TEX10: variants seen among roughly 807,000 people sequenced by gnomAD.
TEX10 encodes testis-expressed protein 10.
Under a neutral mutation model 104.4 loss-of-function variants are expected in TEX10, and 24 were observed. The observed-to-expected ratio is 0.23, with a 90% CI of 0.17 to 0.32. The LOEUF is 0.32. Ranked by LOEUF, TEX10 falls within the 10% of genes least tolerant of loss-of-function variation. The pLI, the probability that TEX10 is intolerant of heterozygous loss-of-function variation, is 1.00. For synonymous variants in TEX10, 396 were observed against 393.4 expected (o/e 1.01, Z -0.08); for missense variants, 921 against 1,083.9 (o/e 0.85, Z 2.11).
chr9:100,352,419 C>A, intron 1 of TEX10: 1 of 1,551,766 alleles, frequency 6.4e-7, no homozygotes, highest in African/African-American at 1.4e-5. Flanking sequence ...GCGAACACAC[C>A]ATGGGTTTTA....
chr9:100,347,396 G>A lies in TEX10; in HGVS notation c.191C>T (p.Ser64Leu), dbSNP rs778768604. 1 of 1,572,264 alleles carries A rather than the reference G, an allele frequency of 6.4e-7. No homozygotes were observed. Among genetic ancestry groups the A allele is most frequent in the Admixed American group, 2.0e-5 (1 of 50,760 alleles). ...CCCAGCATTGTAGTGATGCATCTGTGACAGCAAATCCTATAAATAAAAATA... is the reference window on the plus strand; with the variant it reads ...CCCAGCATTGTAGTGATGCATCTGTAACAGCAAATCCTATAAATAAAAATA... ...NRKLNIKDLL[S>L]QMHHYNAGVK... Residue 64 changes from serine (S) to leucine (L), a missense_variant, in exon 3 of 15, where the codon TCA becomes TTA. Physicochemically the swap from Ser to Leu is moderately radical, Grantham distance 145 (BLOSUM62 -2). Around this residue, in one of 3 missense-constraint regions of TEX10, gnomAD observed 118 missense variants for 111.3 expected, o/e 1.06. Transcript: ENST00000374902.
At chr9:100,352,645 AC>A (rs1835490397) in intron 1 of TEX10, 126 bp downstream of exon 1, 1 of 1,435,506 alleles carries the variant, frequency 7.0e-7, no homozygotes, top group African/African-American at 1.4e-5. Context: ...CGCGGCCCAG[AC>A]CCGGGGGACG....
chr9:100,348,130 G>A (rs909596464), intron 2 of TEX10, among the ~76,000 whole-genome samples: 9 of 152,206 alleles, frequency 5.9e-5, no homozygotes, highest in Admixed American at 1.3e-4. Context: ...CAACCTGGAG[G>A]AACCTCCAAA....
rs979339535 is a variant in TEX10 at position 100,349,048 on chromosome 9, C to A, written c.180+136G>T. On this transcript the variant is annotated intron_variant, in intron 2 of 14. Transcript: ENST00000374902. Reference sequence around the variant, plus strand: ...GAGAGATCTTTGGGTAAAAGATAAACTCCAAACATCAATAAACCCTAAGAC... The same window carrying A: ...GAGAGATCTTTGGGTAAAAGATAAAATCCAAACATCAATAAACCCTAAGAC... 5.5e-5 allele frequency: 34 copies of A among 619,076 alleles called. No homozygotes were observed. In the African/African-American group the frequency reaches 5.9e-4, roughly 11 times the overall value. The allele number at this position is 619,076 out of a possible 1,614,324, so 38.3% of individuals were successfully genotyped here. A position where few individuals can be genotyped will look rare whatever the true frequency, so the allele number is the denominator to read the frequency against.
intron 11 of TEX10, among the ~76,000 whole-genome samples, chr9:100,315,669 C>CT: frequency 6.6e-6 from 1 of 152,232 alleles, no homozygotes; most frequent in South Asian, 2.1e-4. Flanking sequence ...CAATAAAGTA[C>CT]TTTTTGGCTT....
chr9:100,351,511 A>G (rs1835448801), intron 1 of TEX10, among the ~76,000 whole-genome samples: 1 of 152,130 alleles, frequency 6.6e-6, no homozygotes. Context: ...ACACTTTGTG[A>G]GCTTTTCCTA....
chr9:100,328,002 G>T, intron 7 of TEX10, 40 bp from the exon 8 acceptor site: 1 of 1,421,030 alleles, frequency 7.0e-7, no homozygotes, highest in Non-Finnish European at 9.3e-7. Context: ...AATACTCAAA[G>T]ACAAGGGAAA....
chr9:100,334,605 A>G (rs913598992), intron 5 of TEX10, among the ~76,000 whole-genome samples: 3 of 152,074 alleles, frequency 2.0e-5, no homozygotes, highest in African/African-American at 7.2e-5. Flanking sequence ...TGAAAGCTCA[A>G]ATTTTATCAT....
chr9:100,304,012 C>T, intron 13 of TEX10, 170 bp from the exon 14 acceptor site: 1 of 637,280 alleles, frequency 1.6e-6, no homozygotes, highest in Non-Finnish European at 2.8e-6. Context: ...CACACACACA[C>T]ACTAAATACC....
chr9:100,336,023 C>T (rs952751001), intron 5 of TEX10, among the ~76,000 whole-genome samples: 2 of 151,540 alleles, frequency 1.3e-5, no homozygotes, highest in African/African-American at 2.4e-5. Flanking sequence ...AAAAATTAGC[C>T]GGGCATAGTG....
intron 5 of TEX10, among the ~76,000 whole-genome samples, chr9:100,333,966 C>A (rs1406467628): frequency 1.3e-5 from 2 of 151,918 alleles, no homozygotes; most frequent in African/African-American, 2.4e-5. Context: ...TTGACTACAA[C>A]TGAATACAAC....
At chr9:100,316,633 G>A (rs546006960) in intron 11 of TEX10, among the ~76,000 whole-genome samples, 16 of 152,002 alleles carry the variant, frequency 1.1e-4, no homozygotes, top group African/African-American at 3.9e-4. Context: ...ATGGAGTCTC[G>A]CTCTGTTGCC....
intron 4 of TEX10, among the ~76,000 whole-genome samples, chr9:100,341,241 C>T (rs980419921): frequency 2.6e-5 from 4 of 152,198 alleles, no homozygotes; most frequent in Non-Finnish European, 5.9e-5. Context: ...GCTGGGATTA[C>T]AGGCGTGAGC....
rs573912441 is a variant in TEX10 at position 100,308,822 on chromosome 9, C to T, written c.2284-141G>A. 4.8e-6 allele frequency: 3 copies of T among 625,512 alleles called. No individual in the cohort carries two copies. In the African/African-American group the frequency reaches 5.7e-5, roughly 12 times the overall value. The allele number at this position is 625,512 out of a possible 1,614,324, so 38.7% of individuals were successfully genotyped here. On this transcript the variant is annotated intron_variant, in intron 12 of 14. Coordinates refer to ENST00000374902, the MANE Select transcript of TEX10 (RefSeq NM_017746.4). ...TATACCTAACATATGCCACCTGCCA[C>T]ACCTTAAGGTCCTGTTTTCCTTTGA...
intron 5 of TEX10, among the ~76,000 whole-genome samples, chr9:100,333,808 G>C (rs1233819247): frequency 6.6e-6 from 1 of 152,078 alleles, no homozygotes; most frequent in Admixed American, 6.6e-5. Context: ...TCCCAAAACG[G>C]ACCCATGAAA....
At chr9:100,309,703 A>C (rs567162743) in intron 12 of TEX10, among the ~76,000 whole-genome samples, 10 of 152,376 alleles carry the variant, frequency 6.6e-5, no homozygotes, top group Admixed American at 5.2e-4. Flanking sequence ...CAAAGATATA[A>C]TTTGGGAGCC....
Position 100,346,791 on chromosome 9 carries a change from A to G in TEX10, c.796T>C (p.Phe266Leu), listed in dbSNP as rs765130602. 11 of 1,614,072 alleles carry G rather than the reference A, an allele frequency of 6.8e-6. No individual in the cohort carries two copies. Among genetic ancestry groups the G allele is most frequent in the East Asian group, 4.5e-5 (2 of 44,896 alleles). Residue 266 changes from phenylalanine to leucine, a missense_variant, in exon 3 of 15, where the codon TTT becomes CTT. By Grantham distance (22) the Phe-to-Leu change is conservative (BLOSUM62 0). Around this residue, in one of 3 missense-constraint regions of TEX10, gnomAD observed 753 missense variants for 868.4 expected, o/e 0.87. Coordinates refer to ENST00000374902, the MANE Select transcript of TEX10 (RefSeq NM_017746.4). ...ENPHATSNSI[F>L]INWKEHANDQ... is the part of the protein sequence containing the mutation. ...TTGGCATGTTCCTTCCAGTTGATAAAAATGGAGTTGCTAGTGGCATGGGGA... is the reference window on the plus strand; with the variant it reads ...TTGGCATGTTCCTTCCAGTTGATAAGAATGGAGTTGCTAGTGGCATGGGGA...
chr9:100,343,883 T>C (rs977898008), intron 4 of TEX10, among the ~76,000 whole-genome samples: 6 of 152,332 alleles, frequency 3.9e-5, no homozygotes, highest in East Asian at 1.9e-4. Flanking sequence ...AAGAGGCTCA[T>C]GCCTGTAATC....
Position 100,326,289 on chromosome 9 carries a change from T to G in TEX10, c.1979+13A>C. 1.2e-6 allele frequency: 2 copies of G among 1,610,982 alleles called. No individual in the cohort carries two copies. The highest frequency in any genetic ancestry group is 1.7e-6 in the Non-Finnish European group (2 of 1,178,774). The stretch of plus-strand genomic sequence containing the variant: ...ATTATACACTTAAAATACAGCTCAC[T>G]TGAGCATGCTACCTCATGTGCAGTA... On this transcript the variant is annotated intron_variant, in intron 9 of 14. Coordinates refer to ENST00000374902, the MANE Select transcript of TEX10 (RefSeq NM_017746.4).
Sources: gnomAD v4.1 joint callset for allele counts (sites outside exome capture counted in the v4.1 genomes callset) on GRCh38, gnomAD v4.1.1 for gene constraint, gnomAD v4.1.1 regional missense constraint, MANE v1.5 for transcripts, NCBI Gene and HGNC (gene_info 2026-07-23, HGNC 2026-07-21) for gene names.